NALF1: variants seen among roughly 807,000 people sequenced by gnomAD.
NALF1 encodes the protein NALCN channel auxiliary factor 1.
Under a neutral mutation model 48.4 loss-of-function variants are expected in NALF1, and 3 were observed. The observed-to-expected ratio is 0.06, with a 90% CI of 0.03 to 0.16. The LOEUF (loss-of-function observed/expected upper bound fraction) is 0.16. NALF1 is among the 10% of genes least tolerant of loss of function. NALF1 has a pLI of 1.00. For missense variants in NALF1, 526 were observed against 571.5 expected (o/e 0.92, Z 0.81); for synonymous variants, 262 against 245.7 (o/e 1.07, Z -0.62).
intron 1 of NALF1, among the ~76,000 whole-genome samples, chr13:107,308,598 T>A (rs766196360): frequency 1.1e-4 from 17 of 152,196 alleles, no homozygotes; most frequent in Admixed American, 9.2e-4. Context: ...GCCAGTAGTT[T>A]TCCATGAATT....
At chr13:107,177,448 A>C (rs1027547223) in intron 2 of NALF1, among the ~76,000 whole-genome samples, 1 of 152,240 alleles carries the variant, frequency 6.6e-6, no homozygotes, top group Non-Finnish European at 1.5e-5. Context: ...AGTTATCCTT[A>C]GCAAAAAGAA....
chr13:107,818,290 G>A (rs1038047040), intron 1 of NALF1, among the ~76,000 whole-genome samples: 11 of 152,132 alleles, frequency 7.2e-5, no homozygotes, highest in Admixed American at 5.9e-4. Flanking sequence ...GGGATTGGGG[G>A]ACATCAAAGT....
chr13:107,277,310 G>C (rs1378890815), intron 1 of NALF1, among the ~76,000 whole-genome samples: 2 of 151,962 alleles, frequency 1.3e-5, no homozygotes, highest in Non-Finnish European at 2.9e-5. Context: ...TATAATGTTA[G>C]CAAACAGTAT....
intron 1 of NALF1, among the ~76,000 whole-genome samples, chr13:107,751,267 C>A (rs946728805): frequency 6.6e-6 from 1 of 152,130 alleles, no homozygotes; most frequent in Non-Finnish European, 1.5e-5. Flanking sequence ...TAGCTTTGCC[C>A]ACGGTAGAGG....
At position 107,759,428 on chromosome 13, in the gene NALF1, T is replaced by TC. The variant is rs973618008; in HGVS notation, c.915+106253dup. ...TTTCACCATGTTAGCCAGGATGGTC[T>TC]CCATCTCCTGATCTCAGGATCCACC... On this transcript the variant is annotated intron_variant, in intron 1 of 2. Coordinates refer to ENST00000375915, the MANE Select transcript of NALF1 (RefSeq NM_001080396.3). Among the ~76,000 whole-genome samples, 25 of 152,296 alleles carry TC rather than the reference T, an allele frequency of 1.6e-4. 1 individual carries two copies. Among genetic ancestry groups the TC allele is most frequent in the African/African-American group, 6.0e-4 (25 of 41,576 alleles).
chr13:107,213,230 C>CAAAAAAAA lies in NALF1; in HGVS notation c.916-2483_916-2476dup, dbSNP rs386380636. 1.9e-3 allele frequency among the ~76,000 whole-genome samples: 198 copies of CAAAAAAAA among 103,282 alleles called. 2 individuals are homozygous for CAAAAAAAA. The highest frequency in any genetic ancestry group is 2.1e-3 in the Non-Finnish European group (119 of 55,544). 67.8% of individuals were successfully genotyped at this position (103,282 alleles called of 152,430 possible). ...TTCCTTTGCAGATTTTTTTTTAACT[C>CAAAAAAAA]AAAAAAAAAAAAAAAAAAAAGAAAA... On this transcript the variant is annotated intron_variant, in intron 1 of 2. Transcript: ENST00000375915.
chr13:107,738,119 TATC>T (rs1323205374), intron 1 of NALF1, among the ~76,000 whole-genome samples: 1 of 152,224 alleles, frequency 6.6e-6, no homozygotes, highest in Admixed American at 6.5e-5. Context: ...ATTGGTCACT[TATC>T]ATCCGTCTCA....
chr13:107,567,335 ATAT>A (rs1877843045), intron 1 of NALF1, among the ~76,000 whole-genome samples: 1 of 152,214 alleles, frequency 6.6e-6, no homozygotes, highest in African/African-American at 2.4e-5. Context: ...TCTAATGTTA[ATAT>A]TATATTTAGC....
chr13:107,557,154 A>C (rs758549312), intron 1 of NALF1, among the ~76,000 whole-genome samples: 22 of 152,194 alleles, frequency 1.4e-4, no homozygotes, highest in Non-Finnish European at 3.1e-4. Flanking sequence ...CTTGAAAAAA[A>C]AATGTTTTGT....
intron 1 of NALF1, among the ~76,000 whole-genome samples, chr13:107,455,110 T>C (rs1884802740): frequency 6.6e-6 from 1 of 152,116 alleles, no homozygotes; most frequent in Admixed American, 6.6e-5. Flanking sequence ...AAAGAGGCTC[T>C]TCACCCTTTA....
chr13:107,742,843 T>C (rs1429677522), intron 1 of NALF1, among the ~76,000 whole-genome samples: 2 of 152,188 alleles, frequency 1.3e-5, no homozygotes, highest in African/African-American at 2.4e-5. Context: ...CAACCACCAG[T>C]GTTAAATGAA....
At chr13:107,635,803 A>C (rs1451481089) in intron 1 of NALF1, among the ~76,000 whole-genome samples, 1 of 152,130 alleles carries the variant, frequency 6.6e-6, no homozygotes, top group Non-Finnish European at 1.5e-5. Context: ...CTATCAAAGC[A>C]CAACCTACTA....
intron 1 of NALF1, among the ~76,000 whole-genome samples, chr13:107,830,339 G>T (rs1879679653): frequency 6.6e-6 from 1 of 152,160 alleles, no homozygotes; most frequent in Non-Finnish European, 1.5e-5. Flanking sequence ...TAAAATGTAT[G>T]TTTAATTTTT....
chr13:107,676,979 C>T (rs1346346420), intron 1 of NALF1, among the ~76,000 whole-genome samples: 1 of 152,174 alleles, frequency 6.6e-6, no homozygotes, highest in African/African-American at 2.4e-5. Flanking sequence ...TTTGATGAGA[C>T]ACTGTCTCCA....
At chr13:107,219,088 G>A (rs1400935460) in intron 1 of NALF1, among the ~76,000 whole-genome samples, 2 of 152,170 alleles carry the variant, frequency 1.3e-5, no homozygotes, top group African/African-American at 4.8e-5. Context: ...GACGAAGATG[G>A]TGGGAGCTCT....
intron 1 of NALF1, among the ~76,000 whole-genome samples, chr13:107,477,160 T>A (rs1885186921): frequency 6.6e-6 from 1 of 152,064 alleles, no homozygotes; most frequent in Non-Finnish European, 1.5e-5. Flanking sequence ...AGTCCCATAG[T>A]TTAATAACGA....
At chr13:107,603,313 T>C (rs926447077) in intron 1 of NALF1, among the ~76,000 whole-genome samples, 1 of 152,212 alleles carries the variant, frequency 6.6e-6, no homozygotes, top group African/African-American at 2.4e-5. Context: ...GAGGTAACAA[T>C]TCATTTCCTA....
At chr13:107,174,366 T>TATTTA (rs57611753) in intron 2 of NALF1, among the ~76,000 whole-genome samples, 51 of 141,264 alleles carry the variant, frequency 3.6e-4, no homozygotes, top group African/African-American at 1.2e-3. Context: ...TTTATTTATT[T>TATTTA]TTTTTTTTGA....
At chr13:107,589,557 T>C (rs1330607228) in intron 1 of NALF1, among the ~76,000 whole-genome samples, 2 of 152,024 alleles carry the variant, frequency 1.3e-5, no homozygotes, top group African/African-American at 2.4e-5. Flanking sequence ...TCCAGGGTAT[T>C]TTTTTCCCTG....
Sources: gnomAD v4.1 joint callset for allele counts (sites outside exome capture counted in the v4.1 genomes callset) on GRCh38, gnomAD v4.1.1 for gene constraint, MANE v1.5 for transcripts, NCBI Gene and HGNC (gene_info 2026-07-23, HGNC 2026-07-21) for gene names.